ANKS1B: variants seen among roughly 807,000 people sequenced by gnomAD.
The protein encoded by ANKS1B is ankyrin repeat and sterile alpha motif domain containing 1B.
A neutral mutation model predicts 148.3 loss-of-function variants in ANKS1B; 36 were observed. The observed-to-expected ratio is 0.24, with a 90% CI of 0.19 to 0.32. The LOEUF (loss-of-function observed/expected upper bound fraction) is 0.32, where lower values mean the gene tolerates loss of function less well. Among genes scored for constraint, ANKS1B ranks in the 10% least tolerant of loss-of-function variants. The probability of loss-of-function intolerance (pLI) is 1.00; values close to 1 mark genes in which losing one functional copy is unlikely to be tolerated. For synonymous variants in ANKS1B, 542 were observed against 560.8 expected (o/e 0.97, Z 0.47); for missense variants, 1,157 against 1,542.6 (o/e 0.75, Z 4.19).
Position 99,812,324 on chromosome 12 carries a change from A to AAAC in ANKS1B, c.216-16_216-14dup, listed in dbSNP as rs1173047943. 1.2e-6 allele frequency: 2 copies of AAAC among 1,606,814 alleles called. No individual in the cohort carries two copies. Among genetic ancestry groups the AAAC allele is most frequent in the East Asian group, 2.2e-5 (1 of 44,768 alleles). On this transcript the variant is annotated splice_polypyrimidine_tract_variant and intron_variant, in intron 2 of 26. Coordinates refer to ENST00000683438, the MANE Select transcript of ANKS1B (RefSeq NM_001352186.2). Reference sequence around the variant, plus strand: ...GAGAACTATGTCCCTAAAAAGGAAAAAACAACAACAACAAAATAGGCTGAG... The same window carrying AAAC: ...GAGAACTATGTCCCTAAAAAGGAAAAAACAACAACAACAACAAAATAGGCTGAG...
chr12:99,794,955 T>C (rs936378263), intron 4 of ANKS1B, among the ~76,000 whole-genome samples: 2 of 151,910 alleles, frequency 1.3e-5, no homozygotes, highest in African/African-American at 4.8e-5. Context: ...TAAATATATA[T>C]ACCTACTATG....
intron 1 of ANKS1B, among the ~76,000 whole-genome samples, chr12:99,878,011 C>T (rs2092238162): frequency 6.6e-6 from 1 of 152,088 alleles, no homozygotes; most frequent in Non-Finnish European, 1.5e-5. Context: ...AATCAGATCA[C>T]TCCACTGCAC....
chr12:98,762,643 C>T (rs903361826), intron 25 of ANKS1B, among the ~76,000 whole-genome samples: 1 of 152,256 alleles, frequency 6.6e-6, no homozygotes, highest in Non-Finnish European at 1.5e-5. Flanking sequence ...TCCTTGAAGA[C>T]TCACCTCGGG....
chr12:99,487,215 T>C (rs942610459), intron 10 of ANKS1B, among the ~76,000 whole-genome samples: 1 of 152,092 alleles, frequency 6.6e-6, no homozygotes, highest in Non-Finnish European at 1.5e-5. Flanking sequence ...TCCTAGGAGG[T>C]GGGAATCCTG....
At chr12:99,558,922 AG>A (rs1260470591) in intron 9 of ANKS1B, among the ~76,000 whole-genome samples, 3 of 152,192 alleles carry the variant, frequency 2.0e-5, no homozygotes, top group African/African-American at 4.8e-5. Flanking sequence ...TGCCAGCTCA[AG>A]TGTCTGTGGG....
At chr12:99,243,618 G>A (rs1171762243) in intron 14 of ANKS1B, among the ~76,000 whole-genome samples, 11 of 152,152 alleles carry the variant, frequency 7.2e-5, no homozygotes, top group Non-Finnish European at 1.6e-4. Flanking sequence ...CAAAGACTTG[G>A]AACCAACCCA....
rs991535950 is a variant in ANKS1B at position 98,744,383 on chromosome 12, C to A, written c.*1356G>T. ...AAAATAATGTCAGTTAATAAAAAAA[C>A]ATTAAGACAATTCCACAATTTATCA... On this transcript the variant is annotated 3_prime_UTR_variant, in exon 27 of 27. Coordinates refer to ENST00000683438, the MANE Select transcript of ANKS1B (RefSeq NM_001352186.2). 2.8e-5 allele frequency: 23 copies of A among 832,362 alleles called. No homozygotes were observed. Among genetic ancestry groups the A allele is most frequent in the Non-Finnish European group, 3.1e-5 (21 of 688,314 alleles). 51.6% of individuals were successfully genotyped at this position (832,362 alleles called of 1,614,324 possible). A position where few individuals can be genotyped will look rare whatever the true frequency, so the allele number is the denominator to read the frequency against.
At chr12:99,195,695 T>A (rs1766898073) in intron 14 of ANKS1B, among the ~76,000 whole-genome samples, 1 of 152,048 alleles carries the variant, frequency 6.6e-6, no homozygotes, top group Non-Finnish European at 1.5e-5. Context: ...GAAAAAAGAA[T>A]TCTTTTACTA....
intron 8 of ANKS1B, among the ~76,000 whole-genome samples, chr12:99,710,334 T>G (rs1032292635): frequency 3.3e-5 from 5 of 152,154 alleles, no homozygotes; most frequent in African/African-American, 9.7e-5. Context: ...ACATAATTCT[T>G]TGATAAAACC....
At chr12:99,631,030 C>A (rs1262731052) in intron 9 of ANKS1B, among the ~76,000 whole-genome samples, 2 of 152,164 alleles carry the variant, frequency 1.3e-5, no homozygotes, top group Non-Finnish European at 2.9e-5. Flanking sequence ...CCTGTACATG[C>A]TCTCTTGCCT....
chr12:98,841,858 C>A (rs1168607798), intron 17 of ANKS1B, among the ~76,000 whole-genome samples: 1 of 151,778 alleles, frequency 6.6e-6, no homozygotes, highest in Non-Finnish European at 1.5e-5. Flanking sequence ...AGAGTCACAT[C>A]ACAGAGTAGA....
chr12:98,808,167 T>C (rs1238979028), intron 19 of ANKS1B, among the ~76,000 whole-genome samples: 3 of 152,168 alleles, frequency 2.0e-5, no homozygotes, highest in Admixed American at 6.5e-5. Flanking sequence ...ACCAATAAAT[T>C]CATGCCTTGG....
chr12:99,454,992 G>T (rs2095821762), intron 10 of ANKS1B, among the ~76,000 whole-genome samples: 1 of 151,852 alleles, frequency 6.6e-6, no homozygotes, highest in Non-Finnish European at 1.5e-5. Flanking sequence ...GTAATCCGTG[G>T]ATTCTCTGTT....
intron 14 of ANKS1B, among the ~76,000 whole-genome samples, chr12:99,224,425 C>T (rs76347251): frequency 5.3e-4 from 80 of 152,198 alleles, no homozygotes; most frequent in African/African-American, 1.9e-3. Flanking sequence ...GGTATAGCAC[C>T]ATCTCCTGGT....
At chr12:99,576,216 G>A (rs2097518269) in intron 9 of ANKS1B, among the ~76,000 whole-genome samples, 1 of 151,820 alleles carries the variant, frequency 6.6e-6, no homozygotes, top group Non-Finnish European at 1.5e-5. Flanking sequence ...TAGATATATA[G>A]GCACCCAACA....
At chr12:99,109,691 G>C (rs1381630380) in intron 15 of ANKS1B, among the ~76,000 whole-genome samples, 1 of 152,174 alleles carries the variant, frequency 6.6e-6, no homozygotes, top group African/African-American at 2.4e-5. Context: ...GAAGTAAGGT[G>C]TGACTAAGGT....
chr12:98,849,204 T>C (rs2099506981), intron 17 of ANKS1B, among the ~76,000 whole-genome samples: 1 of 152,284 alleles, frequency 6.6e-6, no homozygotes, highest in South Asian at 2.1e-4. Context: ...TTTAATTCTT[T>C]GAGATGAAGT....
chr12:99,120,577 C>T (rs193059906), intron 15 of ANKS1B, among the ~76,000 whole-genome samples: 1 of 152,244 alleles, frequency 6.6e-6, no homozygotes, highest in East Asian at 1.9e-4. Context: ...AATTCTTGAC[C>T]TCACTTAAAT....
chr12:98,828,465 T>C (rs752717541), intron 19 of ANKS1B, among the ~76,000 whole-genome samples: 5 of 152,226 alleles, frequency 3.3e-5, no homozygotes, highest in African/African-American at 4.8e-5. Flanking sequence ...ATTCTGCCAA[T>C]GGTTGACAAC....
Sources: gnomAD v4.1 joint callset for allele counts (sites outside exome capture counted in the v4.1 genomes callset) on GRCh38, gnomAD v4.1.1 for gene constraint, MANE v1.5 for transcripts, NCBI Gene and HGNC (gene_info 2026-07-23, HGNC 2026-07-21) for gene names.